The following SH3BP5 variants were observed in gnomAD, a reference collection of about 807,000 sequenced individuals.
SH3BP5 encodes SH3 domain-binding protein 5.
A neutral mutation model predicts 43.3 loss-of-function variants in SH3BP5; 22 were observed. That is an observed-to-expected ratio of 0.51 (90% CI 0.36 to 0.73). SH3BP5 has a LOEUF of 0.73. Among genes scored for constraint, SH3BP5 ranks in the 30% least tolerant of loss-of-function variants. The pLI is 0.00. For synonymous variants in SH3BP5, 255 were observed against 225.8 expected (o/e 1.13, Z -1.16); for missense variants, 529 against 586.9 (o/e 0.90, Z 1.02).
chr3:15,332,640 C>T (rs1698646853), upstream of SH3BP5: 10 of 1,164,484 alleles, frequency 8.6e-6, no homozygotes, highest in Non-Finnish European at 1.1e-5. Context: ...AGCGCCCGCT[C>T]CGCCCCCGTC....
At chr3:15,264,911 G>T (rs745565867) in intron 4 of SH3BP5, among the ~76,000 whole-genome samples, 1 of 152,030 alleles carries the variant, frequency 6.6e-6, no homozygotes, top group Non-Finnish European at 1.5e-5. Flanking sequence ...TTACCTTTAA[G>T]GAGCTGTCAG....
chr3:15,287,725 T>G (rs1697304508), intron 3 of SH3BP5, among the ~76,000 whole-genome samples: 1 of 152,184 alleles, frequency 6.6e-6, no homozygotes, highest in African/African-American at 2.4e-5. Flanking sequence ...GATTACGCAA[T>G]GATGCAAAAC....
intron 3 of SH3BP5, among the ~76,000 whole-genome samples, chr3:15,277,710 C>A (rs1441404751): frequency 1.3e-5 from 2 of 152,100 alleles, no homozygotes; most frequent in African/African-American, 4.8e-5. Flanking sequence ...GAGGCACAGG[C>A]CTCCTACTGC....
rs765428772 is a variant in SH3BP5, at chr3:15,269,869, C to T, written c.339G>A (p.Leu113=). The T allele has an allele frequency of 6.5e-7, 1 of 1,543,576 alleles. No individual in the cohort carries two copies. Among genetic ancestry groups the T allele is most frequent in the Non-Finnish European group, 8.8e-7 (1 of 1,140,150 alleles). ...AGTCCTGCGTGGCTTTCTGAGCTTC[C>T]AGCTGAGCCTGTGTGAGAAAGAATC... ...EARRVARQAQ[L]EAQKATQDFQ... Residue 113 remains leucine (L), a synonymous_variant, in exon 4 of 9, where the codon CTG becomes CTA. Coordinates refer to ENST00000383791, the MANE Select transcript of SH3BP5 (RefSeq NM_004844.5).
rs558349325 is a variant in SH3BP5 at position 15,315,561 on chromosome 3, C to G, written c.202-11330G>C. Reference sequence around the variant, plus strand: ...TAAGGGTCATCATGGTTTTCTCCTTCAAGTTTCCCTCCTCTGAGGTTAACA... The same window carrying G: ...TAAGGGTCATCATGGTTTTCTCCTTGAAGTTTCCCTCCTCTGAGGTTAACA... On this transcript the variant is annotated intron_variant, in intron 2 of 8. Coordinates refer to ENST00000383791, the MANE Select transcript of SH3BP5 (RefSeq NM_004844.5). Among the ~76,000 whole-genome samples the G allele has an allele frequency of 7.9e-5, 12 of 152,244 alleles. No individual in the cohort carries two copies. The South Asian group carries it at 2.5e-3, about 32-fold the overall frequency.
At chr3:15,300,695 C>A (rs1226859195) in intron 3 of SH3BP5, among the ~76,000 whole-genome samples, 3 of 152,112 alleles carry the variant, frequency 2.0e-5, no homozygotes, top group African/African-American at 7.2e-5. Flanking sequence ...CTTTGAACAT[C>A]CTTCCAGTTC....
At chr3:15,294,629 G>A (rs564785861) in intron 3 of SH3BP5, among the ~76,000 whole-genome samples, 2 of 152,160 alleles carry the variant, frequency 1.3e-5, no homozygotes, top group African/African-American at 2.4e-5. Flanking sequence ...TTCCTCATTC[G>A]TACTATAAGG....
At chr3:15,305,578 T>G (rs965538138) in intron 2 of SH3BP5, among the ~76,000 whole-genome samples, 1 of 152,084 alleles carries the variant, frequency 6.6e-6, no homozygotes, top group African/African-American at 2.4e-5. Flanking sequence ...CACAGGAAAC[T>G]TCCAGAGGAG....
chr3:15,284,575 C>T (rs1053806963), intron 3 of SH3BP5, among the ~76,000 whole-genome samples: 2 of 152,204 alleles, frequency 1.3e-5, no homozygotes, highest in Non-Finnish European at 2.9e-5. Flanking sequence ...AGTTATCTGT[C>T]AATGGCCCCT....
intron 2 of SH3BP5, among the ~76,000 whole-genome samples, chr3:15,324,082 T>C (rs1485858842): frequency 6.6e-6 from 1 of 152,198 alleles, no homozygotes; most frequent in Non-Finnish European, 1.5e-5. Flanking sequence ...ACCACACATG[T>C]GTTTTTTCTT....
intron 3 of SH3BP5, among the ~76,000 whole-genome samples, chr3:15,298,147 T>C (rs1275614886): frequency 6.6e-6 from 1 of 152,030 alleles, no homozygotes; most frequent in African/African-American, 2.4e-5. Flanking sequence ...TGGCTACTTT[T>C]TGTAGAGACT....
intron 3 of SH3BP5, among the ~76,000 whole-genome samples, chr3:15,281,542 C>A (rs903150518): frequency 6.6e-6 from 1 of 152,140 alleles, no homozygotes; most frequent in African/African-American, 2.4e-5. Context: ...GTTGCTCCCT[C>A]CCCCAGTCCT....
At chr3:15,261,523 G>A (rs968606029) in intron 5 of SH3BP5, among the ~76,000 whole-genome samples, 10 of 152,214 alleles carry the variant, frequency 6.6e-5, no homozygotes, top group African/African-American at 2.4e-4. Context: ...GCCTGCTCTG[G>A]GTCTATCTTT....
At chr3:15,320,195 A>C (rs1698286086) in intron 2 of SH3BP5, among the ~76,000 whole-genome samples, 1 of 152,086 alleles carries the variant, frequency 6.6e-6, no homozygotes, top group Non-Finnish European at 1.5e-5. Context: ...ACAATAAAAG[A>C]TTTATATTAA....
chr3:15,272,990 G>A, intron 3 of SH3BP5: 1 of 264,508 alleles, frequency 3.8e-6, no homozygotes, highest in Non-Finnish European at 5.9e-6. Flanking sequence ...GTGGTTCTTA[G>A]TTCTTTCATG....
chr3:15,262,435 G>A (rs1696482747), intron 4 of SH3BP5, 146 bp from the exon 5 acceptor site: 3 of 913,182 alleles, frequency 3.3e-6, no homozygotes, highest in East Asian at 5.4e-5. Context: ...CAAGGTGGGT[G>A]GATCACGAGG....
chr3:15,279,118 C>T (rs1373226976), intron 3 of SH3BP5, among the ~76,000 whole-genome samples: 1 of 151,838 alleles, frequency 6.6e-6, no homozygotes, highest in Non-Finnish European at 1.5e-5. Flanking sequence ...TGCAGTGAGC[C>T]GAGATCGCAC....
intron 2 of SH3BP5, among the ~76,000 whole-genome samples, chr3:15,326,320 T>C (rs1450473497): frequency 6.6e-6 from 1 of 152,136 alleles, no homozygotes; most frequent in Non-Finnish European, 1.5e-5. Context: ...AGAAATGGGA[T>C]GTTAAATGTG....
intron 6 of SH3BP5, 139 bp downstream of exon 6, chr3:15,259,622 G>C: frequency 1.2e-6 from 1 of 844,018 alleles, no homozygotes; most frequent in Admixed American, 1.7e-5. Flanking sequence ...ACAATTTTGA[G>C]GTCTGAAAAC....
Sources: gnomAD v4.1 joint callset for allele counts (sites outside exome capture counted in the v4.1 genomes callset) on GRCh38, gnomAD v4.1.1 for gene constraint, MANE v1.5 for transcripts, NCBI Gene and HGNC (gene_info 2026-07-23, HGNC 2026-07-21) for gene names.